Variants in MXI1 observed in about 807,000 individuals in gnomAD.
MXI1 encodes max-interacting protein 1.
Under a neutral mutation model 36.9 loss-of-function variants are expected in MXI1, and 18 were observed. The observed-to-expected ratio is 0.49, with a 90% confidence interval of 0.34 to 0.72. The LOEUF (loss-of-function observed/expected upper bound fraction) is 0.72, where lower values mean the gene tolerates loss of function less well. Ranked by LOEUF, MXI1 falls within the 30% of genes least tolerant of loss-of-function variation. MXI1 has a pLI of 0.01. For missense variants in MXI1, 304 were observed against 379.1 expected (o/e 0.80, Z 1.64); for synonymous variants, 160 against 146.7 (o/e 1.09, Z -0.65).
intron 3 of MXI1, among the ~76,000 whole-genome samples, chr10:110,266,613 T>C (rs1856685565): frequency 1.3e-5 from 2 of 152,192 alleles, no homozygotes; most frequent in Non-Finnish European, 2.9e-5. Context: ...CCATAATTTC[T>C]TAGAGGTCAT....
chr10:110,242,704 T>C (rs1855714678), intron 2 of MXI1, among the ~76,000 whole-genome samples: 1 of 151,996 alleles, frequency 6.6e-6, no homozygotes, highest in Non-Finnish European at 1.5e-5. Context: ...CAGATTATGA[T>C]CTTTTGGAGC....
intron 1 of MXI1, chr10:110,227,469 T>TTGGAGAGAGGGCGGTCTGGGGC: frequency 2.0e-6 from 2 of 985,330 alleles, no homozygotes; most frequent in Non-Finnish European, 2.4e-6. Context: ...TGGAGGGAAG[T>TTGGAGAGAGGGCGGTCTGGGGC]TGGAGAGAGG....
intron 3 of MXI1, among the ~76,000 whole-genome samples, chr10:110,249,183 G>A (rs1265970223): frequency 6.6e-6 from 1 of 152,136 alleles, no homozygotes; most frequent in Admixed American, 6.5e-5. Flanking sequence ...TGAGTGTGAT[G>A]TTATATGAAG....
chr10:110,216,665 G>GTTTTTTTTTTT lies in MXI1; in HGVS notation c.274+8593_274+8603dup, dbSNP rs10656872. On this transcript the variant is annotated intron_variant, in intron 1 of 5. Coordinates refer to ENST00000332674, the MANE Select transcript of MXI1 (RefSeq NM_130439.3). The stretch of plus-strand genomic sequence containing the variant: ...CCTGTCTCCCCTATCTGTGTTTAAT[G>GTTTTTTTTTTT]TTTTTTTTTTTTTTTTTTTTGGAGA... Among the ~76,000 whole-genome samples the GTTTTTTTTTTT allele has an allele frequency of 4.7e-4, 37 of 79,052 alleles. 4 individuals carry two copies. Among genetic ancestry groups the GTTTTTTTTTTT allele is most frequent in the African/African-American group, 2.6e-3 (33 of 12,582 alleles). 51.9% of individuals were successfully genotyped at this position (79,052 alleles called of 152,430 possible). A position where few individuals can be genotyped will look rare whatever the true frequency, so the allele number is the denominator to read the frequency against.
chr10:110,227,995 C>T, intron 1 of MXI1, 194 bp from the exon 2 acceptor site: 1 of 600,286 alleles, frequency 1.7e-6, no homozygotes, highest in Non-Finnish European at 2.9e-6. Context: ...TATCAAAACA[C>T]CTTCCAGCTG....
chr10:110,223,891 A>G (rs1854886191), intron 1 of MXI1, among the ~76,000 whole-genome samples: 2 of 152,158 alleles, frequency 1.3e-5, no homozygotes, highest in South Asian at 4.2e-4. Flanking sequence ...CATTTGATGG[A>G]ACGTCTATTT....
intron 2 of MXI1, among the ~76,000 whole-genome samples, chr10:110,230,206 T>C (rs1381654731): frequency 6.6e-6 from 1 of 152,248 alleles, no homozygotes; most frequent in Non-Finnish European, 1.5e-5. Flanking sequence ...TCAATTATGT[T>C]ACCGGTCATT....
At chr10:110,214,846 T>TG (rs200669013) in intron 1 of MXI1, among the ~76,000 whole-genome samples, 5,688 of 144,372 alleles carry the variant, frequency 0.039, 335 homozygotes, top group African/African-American at 0.14. Context: ...CTTTTGAGTT[T>TG]TTTTTTTTTT....
At chr10:110,280,203 G>C in intron 5 of MXI1, 118 bp downstream of exon 5, 1 of 816,188 alleles carries the variant, frequency 1.2e-6, no homozygotes, top group Middle Eastern at 3.6e-4. Context: ...TAACATTGTA[G>C]GTTTTATGCA....
At chr10:110,247,771 G>A (rs1266381431) in intron 3 of MXI1, among the ~76,000 whole-genome samples, 1 of 152,178 alleles carries the variant, frequency 6.6e-6, no homozygotes, top group Non-Finnish European at 1.5e-5. Context: ...TTCATCCATT[G>A]TGGAAGTCAG....
chr10:110,222,027 G>C lies in MXI1; in HGVS notation c.275-6162G>C, dbSNP rs538197317. 5.2e-3 allele frequency among the ~76,000 whole-genome samples: 787 copies of C among 152,298 alleles called. 5 individuals carry two copies. Among genetic ancestry groups the C allele is most frequent in the Non-Finnish European group, 9.3e-3 (634 of 68,024 alleles). On this transcript the variant is annotated intron_variant, in intron 1 of 5. Transcript: ENST00000332674. ...CGCAGCTCTGAGCTGCCGCTGACTTGAGGAGAGCTTACGCATGAACTTAGG... is the reference window on the plus strand; with the variant it reads ...CGCAGCTCTGAGCTGCCGCTGACTTCAGGAGAGCTTACGCATGAACTTAGG...
In MXI1 at chr10:110,207,864, C is replaced by A; in HGVS notation, c.56C>A (p.Ala19Asp). ...KEARCEGAGLAPAAPPAVPPA... is the reference protein window; with the variant it reads ...KEARCEGAGLDPAAPPAVPPA... The stretch of plus-strand genomic sequence containing the variant: ...GCGCGCTGCGAGGGCGCGGGGCTGG[C>A]CCCCGCCGCGCCCCCGGCTGTGCCC... Residue 19 changes from alanine (A) to aspartate (D), a missense_variant, in exon 1 of 6, where the codon GCC becomes GAC. Coordinates refer to ENST00000332674, the MANE Select transcript of MXI1 (RefSeq NM_130439.3). The A allele has an allele frequency of 3.3e-6, 4 of 1,200,204 alleles. No homozygotes were observed. In the South Asian group the frequency reaches 1.0e-4, roughly 30 times the overall value. 74.3% of individuals were successfully genotyped at this position (1,200,204 alleles called of 1,614,324 possible). A position where few individuals can be genotyped will look rare whatever the true frequency, so the allele number is the denominator to read the frequency against.
In MXI1 at chr10:110,279,176, T is replaced by C. The variant is rs377736372; in HGVS notation, c.438-4T>C. ...GTGCTGATTTGACTTTTTGTCTTTC[T>C]TAGACGAGCTCATCTGCGCCTTTGT... is the stretch of plus-strand genomic sequence containing the variant. On this transcript the variant is annotated splice_region_variant and splice_polypyrimidine_tract_variant and intron_variant, in intron 3 of 5. Coordinates refer to ENST00000332674, the MANE Select transcript of MXI1 (RefSeq NM_130439.3). 6.2e-7 allele frequency: 1 copy of C among 1,611,580 alleles called. No individual in the cohort carries two copies. The highest frequency in any genetic ancestry group is 1.3e-5 in the African/African-American group (1 of 74,862).
rs561602250 is a variant in MXI1 at position 110,268,324 on chromosome 10, A to G, written c.438-10856A>G. Among the ~76,000 whole-genome samples the G allele has an allele frequency of 9.8e-5, 15 of 152,324 alleles. No homozygotes were observed. The East Asian group carries it at 1.3e-3, about 14-fold the overall frequency. ...ATGGTATTGAGCTGAGGCTGGAATC[A>G]TATAAAATAAATACTAGAGCTTTGA... On this transcript the variant is annotated intron_variant, in intron 3 of 5. Transcript: ENST00000332674.
intron 3 of MXI1, among the ~76,000 whole-genome samples, chr10:110,272,378 C>G (rs140020804): frequency 6.6e-6 from 1 of 152,254 alleles, no homozygotes; most frequent in Non-Finnish European, 1.5e-5. Flanking sequence ...TTGAAGTCTT[C>G]TTTTAAAAAC....
intron 3 of MXI1, among the ~76,000 whole-genome samples, chr10:110,258,208 A>C (rs1247052606): frequency 6.6e-6 from 1 of 152,198 alleles, no homozygotes; most frequent in African/African-American, 2.4e-5. Context: ...ATTTCTGGCA[A>C]ATAAAAATGG....
intron 3 of MXI1, among the ~76,000 whole-genome samples, chr10:110,246,929 T>G (rs1855887441): frequency 6.6e-6 from 1 of 152,178 alleles, no homozygotes; most frequent in Non-Finnish European, 1.5e-5. Context: ...AATAAAACCT[T>G]AAATTGAAGT....
At chr10:110,243,206 C>A (rs1165893349) in intron 2 of MXI1, among the ~76,000 whole-genome samples, 3 of 152,040 alleles carry the variant, frequency 2.0e-5, no homozygotes, top group Non-Finnish European at 4.4e-5. Flanking sequence ...CTCTGTTAAA[C>A]TAGGATTTCT....
intron 3 of MXI1, among the ~76,000 whole-genome samples, chr10:110,246,734 C>G (rs1855878840): frequency 6.6e-6 from 1 of 152,116 alleles, no homozygotes. Flanking sequence ...AACTGGAACT[C>G]AAAGTTGAGT....
Sources: allele counts gnomAD v4.1 joint callset (sites outside exome capture counted in the v4.1 genomes callset), GRCh38; gene constraint gnomAD v4.1.1; transcripts MANE v1.5; gene names NCBI Gene and HGNC (gene_info 2026-07-23, HGNC 2026-07-21).